The following NDUFS4 variants were observed in gnomAD, a reference collection of about 807,000 sequenced individuals.
The protein encoded by NDUFS4 is NADH dehydrogenase [ubiquinone] iron-sulfur protein 4, mitochondrial.
In NDUFS4, 28 loss-of-function variants were observed where a neutral mutation model predicts 24.3. The ratio of observed to expected loss-of-function variants is 1.15; its 90% CI spans 0.85 to 1.58. The LOEUF (loss-of-function observed/expected upper bound fraction) is 1.58, where lower values mean the gene tolerates loss of function less well. Among genes scored for constraint, NDUFS4 ranks in the 40% most tolerant of loss-of-function variants. NDUFS4 has a pLI of 0.00. For synonymous variants in NDUFS4, 93 were observed against 69.7 expected (o/e 1.34, Z -1.67); for missense variants, 223 against 207.9 (o/e 1.07, Z -0.45).
intron 2 of NDUFS4, among the ~76,000 whole-genome samples, chr5:53,609,469 C>T (rs982159606): frequency 2.6e-5 from 4 of 152,112 alleles, no homozygotes; most frequent in Non-Finnish European, 4.4e-5. Context: ...AACTGTGTTG[C>T]CATCCAGGCT....
chr5:53,675,319 C>G (rs531010520), intron 4 of NDUFS4, among the ~76,000 whole-genome samples: 1 of 151,902 alleles, frequency 6.6e-6, no homozygotes, highest in African/African-American at 2.4e-5. Context: ...CCCGCCACCA[C>G]GCCCAGCTAA....
intron 4 of NDUFS4, among the ~76,000 whole-genome samples, chr5:53,658,988 C>T (rs889999750): frequency 2.6e-5 from 4 of 152,130 alleles, no homozygotes; most frequent in South Asian, 2.1e-4. Context: ...CTCTGTTTAC[C>T]GTTAAGTTCT....
At chr5:53,631,502 G>A (rs1579898232) in intron 2 of NDUFS4, among the ~76,000 whole-genome samples, 1 of 152,164 alleles carries the variant, frequency 6.6e-6, no homozygotes, top group Admixed American at 6.5e-5. Flanking sequence ...CTTCCCCCAG[G>A]TGCTCTGTCC....
chr5:53,682,829 GTA>G (rs1740712817), intron 4 of NDUFS4, among the ~76,000 whole-genome samples: 1 of 152,052 alleles, frequency 6.6e-6, no homozygotes, highest in Non-Finnish European at 1.5e-5. Context: ...AAATTTTTAT[GTA>G]ATACATAGAT....
At chr5:53,645,517 A>G (rs1030764824) in intron 2 of NDUFS4, among the ~76,000 whole-genome samples, 10 of 152,198 alleles carry the variant, frequency 6.6e-5, no homozygotes, top group African/African-American at 2.2e-4. Flanking sequence ...CAAAATGAGC[A>G]TTTGTTACTG....
intron 1 of NDUFS4, among the ~76,000 whole-genome samples, chr5:53,574,652 T>C (rs549123229): frequency 6.6e-6 from 1 of 152,340 alleles, no homozygotes; most frequent in South Asian, 2.1e-4. Context: ...AATTAAGATA[T>C]GTTGTATTTT....
chr5:53,648,318 A>G (rs1024827076), intron 3 of NDUFS4, among the ~76,000 whole-genome samples: 6 of 152,282 alleles, frequency 3.9e-5, no homozygotes, highest in Non-Finnish European at 8.8e-5. Flanking sequence ...CTGGCCTGGA[A>G]ATTGTTAGAA....
intron 2 of NDUFS4, among the ~76,000 whole-genome samples, chr5:53,643,991 T>G (rs1190280384): frequency 6.6e-6 from 1 of 151,856 alleles, no homozygotes; most frequent in Non-Finnish European, 1.5e-5. Flanking sequence ...TATAAATAGC[T>G]TAGCAACATT....
intron 4 of NDUFS4, among the ~76,000 whole-genome samples, chr5:53,673,436 A>G (rs1740349923): frequency 6.6e-6 from 1 of 152,116 alleles, no homozygotes; most frequent in Non-Finnish European, 1.5e-5. Flanking sequence ...GTAAATATCA[A>G]AAGTTGTCCG....
intron 2 of NDUFS4, among the ~76,000 whole-genome samples, chr5:53,628,315 T>G (rs1484462205): frequency 6.6e-6 from 1 of 152,218 alleles, no homozygotes; most frequent in Non-Finnish European, 1.5e-5. Flanking sequence ...GCATCGATGT[T>G]CATCATGGGT....
At chr5:53,569,331 G>C (rs1190724472) in intron 1 of NDUFS4, among the ~76,000 whole-genome samples, 1 of 152,002 alleles carries the variant, frequency 6.6e-6, no homozygotes, top group East Asian at 1.9e-4. Context: ...TTCAGATTTT[G>C]TATTCAACCT....
At chr5:53,629,036 A>C (rs1299858372) in intron 2 of NDUFS4, among the ~76,000 whole-genome samples, 6 of 152,152 alleles carry the variant, frequency 3.9e-5, no homozygotes. Flanking sequence ...ATTTCCCTCT[A>C]CACACTGCTT....
intron 1 of NDUFS4, chr5:53,573,536 T>C: frequency 4.5e-6 from 2 of 447,926 alleles, no homozygotes; most frequent in Non-Finnish European, 8.9e-6. Flanking sequence ...TGCCTAACTA[T>C]CTCAATTTGG....
intron 2 of NDUFS4, among the ~76,000 whole-genome samples, chr5:53,622,663 A>G (rs954291572): frequency 3.9e-5 from 6 of 151,940 alleles, no homozygotes; most frequent in Non-Finnish European, 5.9e-5. Context: ...TTCATTGGAT[A>G]TAGAATTCTA....
At chr5:53,650,238 AATACTTTATAT>A (rs1433129629) in intron 3 of NDUFS4, among the ~76,000 whole-genome samples, 5 of 152,202 alleles carry the variant, frequency 3.3e-5, no homozygotes, top group Non-Finnish European at 7.3e-5. Context: ...TGATGAGTAA[AATACTTTATAT>A]AAGAATATAC....
intron 2 of NDUFS4, among the ~76,000 whole-genome samples, chr5:53,620,933 G>A (rs1047950545): frequency 4.6e-5 from 7 of 152,264 alleles, no homozygotes; most frequent in Admixed American, 1.3e-4. Context: ...TGGGTTGGGT[G>A]TTCCAAAAAT....
chr5:53,611,363 T>C (rs139641995), intron 2 of NDUFS4, among the ~76,000 whole-genome samples: 2 of 152,190 alleles, frequency 1.3e-5, no homozygotes, highest in African/African-American at 4.8e-5. Context: ...CATTGTTGAG[T>C]ACAAATCTTC....
chr5:53,661,340 G>T (rs1752337651), intron 4 of NDUFS4, among the ~76,000 whole-genome samples: 1 of 152,068 alleles, frequency 6.6e-6, no homozygotes, highest in African/African-American at 2.4e-5. Context: ...TGAGGGCTCT[G>T]TTCTGTTCCA....
At chr5:53,608,941 C>A (rs189474718) in intron 2 of NDUFS4, among the ~76,000 whole-genome samples, 22 of 152,190 alleles carry the variant, frequency 1.4e-4, no homozygotes, top group African/African-American at 5.3e-4. Context: ...TAATGATTAT[C>A]TGTAAGCATT....
Sources: allele counts gnomAD v4.1 joint callset (sites outside exome capture counted in the v4.1 genomes callset), GRCh38; gene constraint gnomAD v4.1.1; transcripts MANE v1.5; gene names NCBI Gene and HGNC (gene_info 2026-07-23, HGNC 2026-07-21).